The following NLGN1 variants were observed in gnomAD, a reference collection of about 807,000 sequenced individuals.
NLGN1 encodes the protein neuroligin-1.
In NLGN1, 12 loss-of-function variants were observed where a neutral mutation model predicts 65.5. That is an observed-to-expected ratio of 0.18 (90% confidence interval 0.12 to 0.30). The LOEUF (loss-of-function observed/expected upper bound fraction) is 0.30. Ranked by LOEUF, NLGN1 falls within the 10% of genes least tolerant of loss-of-function variation. The pLI is 1.00. For missense variants in NLGN1, 750 were observed against 1,007.1 expected, an observed-to-expected ratio of 0.74 and a Z score of 3.46; for synonymous variants, 350 against 359.5, an observed-to-expected ratio of 0.97 and a Z score of 0.30.
chr3:173,703,750 C>G (rs1767609858), intron 3 of NLGN1, among the ~76,000 whole-genome samples: 1 of 152,324 alleles, frequency 6.6e-6, no homozygotes, highest in Non-Finnish European at 1.5e-5. Flanking sequence ...CAAGGTCTTT[C>G]AACATAATTA....
intron 4 of NLGN1, among the ~76,000 whole-genome samples, chr3:173,932,420 G>C (rs1463138750): frequency 6.6e-6 from 1 of 151,528 alleles, no homozygotes; most frequent in East Asian, 1.9e-4. Context: ...GGATGCTGAA[G>C]AGCAATGAGT....
Position 173,410,020 on chromosome 3 carries a change from A to G in NLGN1, c.-390+11533A>G, listed in dbSNP as rs570572999. 6.6e-5 allele frequency among the ~76,000 whole-genome samples: 10 copies of G among 152,136 alleles called. No individual in the cohort carries two copies. In the South Asian group the frequency reaches 1.0e-3, roughly 16 times the overall value. On this transcript the variant is annotated intron_variant, in intron 1 of 6. Coordinates refer to ENST00000457714, the Ensembl canonical transcript of NLGN1. ...AATGAGCAAGATAAGGGGGAAAACA[A>G]CCAAACTTGTTCTGCATAATTCTTT...
intron 1 of NLGN1, among the ~76,000 whole-genome samples, chr3:173,426,561 C>G (rs1232710632): frequency 6.6e-6 from 1 of 151,946 alleles, no homozygotes; most frequent in African/African-American, 2.4e-5. Context: ...TTATCAAATG[C>G]TTTTTCTGCA....
intron 4 of NLGN1, among the ~76,000 whole-genome samples, chr3:173,894,045 C>G (rs535023547): frequency 1.1e-4 from 17 of 152,310 alleles, no homozygotes; most frequent in Non-Finnish European, 2.1e-4. Context: ...CCATGAAGCA[C>G]CTTCACTTCC....
intron 5 of NLGN1, among the ~76,000 whole-genome samples, chr3:174,278,378 C>A (rs1245835209): frequency 6.6e-6 from 1 of 151,856 alleles, no homozygotes; most frequent in Admixed American, 6.6e-5. Context: ...TTCAAGAATT[C>A]TTTTTCAAAT....
At chr3:174,117,475 G>T (rs1716754149) in intron 4 of NLGN1, among the ~76,000 whole-genome samples, 1 of 152,086 alleles carries the variant, frequency 6.6e-6, no homozygotes, top group East Asian at 1.9e-4. Context: ...AAAAAAATTA[G>T]CCAGGCGCAG....
intron 3 of NLGN1, among the ~76,000 whole-genome samples, chr3:173,669,327 GA>G (rs1238056130): frequency 1.4e-4 from 21 of 152,200 alleles, no homozygotes; most frequent in African/African-American, 4.8e-4. Context: ...TAGAACAACA[GA>G]AAATTTTGTC....
intron 4 of NLGN1, among the ~76,000 whole-genome samples, chr3:174,230,426 T>C (rs1740496270): frequency 6.6e-6 from 1 of 152,234 alleles, no homozygotes; most frequent in African/African-American, 2.4e-5. Flanking sequence ...CAATGGTATG[T>C]ATCTAACATT....
At chr3:173,494,607 T>C (rs1729709983) in intron 2 of NLGN1, among the ~76,000 whole-genome samples, 1 of 151,798 alleles carries the variant, frequency 6.6e-6, no homozygotes, top group South Asian at 2.1e-4. Flanking sequence ...CTAAGAAACT[T>C]TGACTAACAT....
chr3:173,938,891 C>G (rs1006017325), intron 4 of NLGN1, among the ~76,000 whole-genome samples: 2 of 152,088 alleles, frequency 1.3e-5, no homozygotes, highest in African/African-American at 4.8e-5. Flanking sequence ...ATCTATAGCC[C>G]ACACAACATT....
chr3:174,105,699 A>G (rs1007866705), intron 4 of NLGN1, among the ~76,000 whole-genome samples: 2 of 152,010 alleles, frequency 1.3e-5, no homozygotes, highest in African/African-American at 4.8e-5. Context: ...AGATATAGAT[A>G]TCTATATCTA....
intron 4 of NLGN1, among the ~76,000 whole-genome samples, chr3:173,856,913 A>G (rs1438397910): frequency 3.3e-5 from 5 of 152,004 alleles, no homozygotes; most frequent in African/African-American, 9.7e-5. Context: ...TGCAGGGAAT[A>G]ATATCACCAT....
chr3:173,786,074 C>G (rs1002312193), intron 3 of NLGN1, among the ~76,000 whole-genome samples: 1 of 152,232 alleles, frequency 6.6e-6, no homozygotes, highest in East Asian at 1.9e-4. Flanking sequence ...TCTACCCTGA[C>G]CAACCTCAGA....
chr3:174,054,667 T>C (rs1486196833), intron 4 of NLGN1, among the ~76,000 whole-genome samples: 1 of 152,032 alleles, frequency 6.6e-6, no homozygotes, highest in African/African-American at 2.4e-5. Context: ...ATATGACTAG[T>C]ACACTGCTCA....
chr3:173,604,628 T>C, exon 3 of NLGN1: 3 of 1,613,474 alleles, frequency 1.9e-6, no homozygotes, highest in Non-Finnish European at 2.5e-6. Flanking sequence ...CGTGGCCAAA[T>C]TATGTTTGGA....
intron 4 of NLGN1, among the ~76,000 whole-genome samples, chr3:173,914,357 C>G (rs1740284600): frequency 6.6e-6 from 1 of 152,152 alleles, no homozygotes; most frequent in Non-Finnish European, 1.5e-5. Flanking sequence ...CTTACAGGCT[C>G]TGCCTGGTTT....
At chr3:173,402,730 T>G (rs528402863) in intron 1 of NLGN1, among the ~76,000 whole-genome samples, 1 of 152,264 alleles carries the variant, frequency 6.6e-6, no homozygotes, top group East Asian at 1.9e-4. Flanking sequence ...TGGATATATC[T>G]CTTTATCTAG....
intron 3 of NLGN1, among the ~76,000 whole-genome samples, chr3:173,754,824 T>C (rs996442311): frequency 6.7e-6 from 1 of 150,082 alleles, no homozygotes; most frequent in Non-Finnish European, 1.5e-5. Context: ...TGCATTTACA[T>C]GTCCAGAAAG....
At chr3:173,449,223 C>G (rs1372901697) in intron 2 of NLGN1, among the ~76,000 whole-genome samples, 1 of 152,088 alleles carries the variant, frequency 6.6e-6, no homozygotes, top group Non-Finnish European at 1.5e-5. Context: ...TCCCTCTACA[C>G]ACTGCTTTGA....
Sources: allele counts gnomAD v4.1 joint callset (sites outside exome capture counted in the v4.1 genomes callset), GRCh38; gene constraint gnomAD v4.1.1; transcripts MANE v1.5; gene names NCBI Gene and HGNC (gene_info 2026-07-23, HGNC 2026-07-21).